FBXO25: variants seen among roughly 807,000 people sequenced by gnomAD.
FBXO25 encodes F-box only protein 25.
In FBXO25, 45 loss-of-function variants were observed where a neutral mutation model predicts 51.9. The observed-to-expected ratio is 0.87, with a 90% CI of 0.68 to 1.11. FBXO25 has a LOEUF of 1.11. FBXO25 is among the 50% of genes most tolerant of loss of function. The pLI, the probability that FBXO25 is intolerant of heterozygous loss-of-function variation, is 0.00. For missense variants in FBXO25, 507 were observed against 428.5 expected (o/e 1.18, Z -1.62); for synonymous variants, 199 against 151.0 (o/e 1.32, Z -2.33).
At chr8:453,208 CTGA>C (rs1456550849) in intron 7 of FBXO25, among the ~76,000 whole-genome samples, 19 of 152,202 alleles carry the variant, frequency 1.2e-4, no homozygotes, top group Non-Finnish European at 7.3e-5. Context: ...TAAGAAAGCG[CTGA>C]TGATAACACA....
At position 472,882 on chromosome 8, in the gene FBXO25, C is replaced by T. The variant is rs756847117; in HGVS notation, c.*4078C>T. 6.6e-6 allele frequency: 1 copy of T among 152,220 alleles called. No individual in the cohort carries two copies. The highest frequency in any genetic ancestry group is 1.5e-5 in the Non-Finnish European group (1 of 68,054). 9.4% of individuals were successfully genotyped at this position (152,220 alleles called of 1,614,324 possible). A position where few individuals can be genotyped will look rare whatever the true frequency, so the allele number is the denominator to read the frequency against. On this transcript the variant is annotated 3_prime_UTR_variant, in exon 10 of 10. Coordinates refer to ENST00000350302, the MANE Select transcript of FBXO25 (RefSeq NM_183420.2). Reference sequence around the variant, plus strand: ...TCAGAAGCAAGCCTGCCTTATGAAACTCGACTTTTTAATCTCCCTCTCTTC... The same window carrying T: ...TCAGAAGCAAGCCTGCCTTATGAAATTCGACTTTTTAATCTCCCTCTCTTC...
At chr8:453,295 A>C (rs1381534440) in intron 7 of FBXO25, among the ~76,000 whole-genome samples, 1 of 152,122 alleles carries the variant, frequency 6.6e-6, no homozygotes, top group African/African-American at 2.4e-5. Context: ...CTCTTTCATT[A>C]GTGGTTGCAT....
intron 8 of FBXO25, among the ~76,000 whole-genome samples, chr8:460,261 T>C (rs1799723458): frequency 6.6e-6 from 1 of 152,204 alleles, no homozygotes; most frequent in African/African-American, 2.4e-5. Context: ...TCTGTGGTCA[T>C]TGCCATTCTT....
chr8:448,894 A>G (rs1349578814), intron 5 of FBXO25, among the ~76,000 whole-genome samples: 1 of 152,242 alleles, frequency 6.6e-6, no homozygotes, highest in Non-Finnish European at 1.5e-5. Flanking sequence ...AGGGAATTAC[A>G]TAGAGTTAAA....
chr8:447,846 A>C (rs1017505319), intron 5 of FBXO25, among the ~76,000 whole-genome samples: 3 of 152,080 alleles, frequency 2.0e-5, no homozygotes, highest in African/African-American at 7.2e-5. Context: ...AGTTTGGAGG[A>C]TTCTGGATTT....
At chr8:415,297 CATTTT>C (rs1481049633) in intron 2 of FBXO25, among the ~76,000 whole-genome samples, 1 of 152,156 alleles carries the variant, frequency 6.6e-6, no homozygotes, top group African/African-American at 2.4e-5. Flanking sequence ...CTTTTCAACT[CATTTT>C]AGTATTCAAA....
chr8:417,748 GT>G (rs1796896808), intron 2 of FBXO25, among the ~76,000 whole-genome samples: 1 of 152,160 alleles, frequency 6.6e-6, no homozygotes, highest in Non-Finnish European at 1.5e-5. Context: ...TGTGCATTGA[GT>G]TCCTCATTCA....
In FBXO25 at chr8:471,943, G is replaced by A. The variant is rs948427355; in HGVS notation, c.*3139G>A. 6.6e-6 allele frequency: 1 copy of A among 152,192 alleles called. No individual in the cohort carries two copies. Among genetic ancestry groups the A allele is most frequent in the Non-Finnish European group, 1.5e-5 (1 of 68,036 alleles). 9.4% of individuals were successfully genotyped at this position (152,192 alleles called of 1,614,324 possible). ...TAAGTGCTGCTTTTAGAACCAAACT[G>A]TCATATAAGATTTATCAGCTCTTTT... On this transcript the variant is annotated 3_prime_UTR_variant, in exon 10 of 10. Coordinates refer to ENST00000350302, the MANE Select transcript of FBXO25 (RefSeq NM_183420.2).
chr8:437,764 G>A (rs2335278), intron 5 of FBXO25, among the ~76,000 whole-genome samples: 4 of 145,586 alleles, frequency 2.7e-5, no homozygotes, highest in Admixed American at 6.9e-5. Context: ...TTACTTTATC[G>A]TATGCATTTA....
chr8:467,669 T>G (rs1338452068), intron 9 of FBXO25: 1 of 1,598,096 alleles, frequency 6.3e-7, no homozygotes, highest in Non-Finnish European at 8.6e-7. Flanking sequence ...TTTCCTTTTT[T>G]TCCCTCCCTT....
At chr8:466,732 G>A (rs1205743559) in intron 9 of FBXO25, among the ~76,000 whole-genome samples, 1 of 152,100 alleles carries the variant, frequency 6.6e-6, no homozygotes, top group Non-Finnish European at 1.5e-5. Flanking sequence ...CCCATCTGTT[G>A]TGGCTCTACT....
At chr8:454,232 T>A (rs1799273790) in intron 7 of FBXO25, among the ~76,000 whole-genome samples, 1 of 152,104 alleles carries the variant, frequency 6.6e-6, no homozygotes, top group Non-Finnish European at 1.5e-5. Flanking sequence ...ACATCAGAAA[T>A]TTTTTTTCTT....
At chr8:434,757 T>G (rs1462088835) in intron 4 of FBXO25, among the ~76,000 whole-genome samples, 2 of 152,220 alleles carry the variant, frequency 1.3e-5, no homozygotes, top group Non-Finnish European at 2.9e-5. Context: ...AGATGGAGTT[T>G]AAAATGACTT....
chr8:448,311 C>G (rs1203929844), intron 5 of FBXO25, among the ~76,000 whole-genome samples: 1 of 152,142 alleles, frequency 6.6e-6, no homozygotes, highest in East Asian at 1.9e-4. Flanking sequence ...GTGCCATATC[C>G]TACAGGAATT....
chr8:437,054 G>A (rs1225796973), intron 5 of FBXO25, among the ~76,000 whole-genome samples: 2 of 152,032 alleles, frequency 1.3e-5, no homozygotes, highest in Non-Finnish European at 2.9e-5. Flanking sequence ...TCATTTGGAC[G>A]ACTGCATAAT....
chr8:451,175 G>T, intron 6 of FBXO25, 94 bp from the exon 7 acceptor site: 2 of 1,033,072 alleles, frequency 1.9e-6, no homozygotes, highest in Non-Finnish European at 2.8e-6. Flanking sequence ...TTGTCTGTTC[G>T]TCTATCAGTG....
intron 1 of FBXO25, 125 bp from the exon 2 acceptor site, chr8:412,948 G>A (rs1425366234): frequency 8.7e-6 from 8 of 922,960 alleles, no homozygotes; most frequent in Admixed American, 6.8e-5. Flanking sequence ...TCGAGCCAAC[G>A]TTTAATTAAT....
intron 5 of FBXO25, among the ~76,000 whole-genome samples, chr8:442,290 T>A (rs189574781): frequency 2.3e-3 from 351 of 150,772 alleles, no homozygotes; most frequent in African/African-American, 5.5e-3. Flanking sequence ...TCCAATTATT[T>A]TTTTTTTTTT....
intron 4 of FBXO25, among the ~76,000 whole-genome samples, chr8:433,685 C>T (rs1797948015): frequency 6.6e-6 from 1 of 152,140 alleles, no homozygotes; most frequent in Non-Finnish European, 1.5e-5. Context: ...TCTGCATTTG[C>T]TTTATTTTGC....
Sources: gnomAD v4.1 joint callset for allele counts (sites outside exome capture counted in the v4.1 genomes callset) on GRCh38, gnomAD v4.1.1 for gene constraint, MANE v1.5 for transcripts, NCBI Gene and HGNC (gene_info 2026-07-23, HGNC 2026-07-21) for gene names.